Variants in PPM1L observed in about 807,000 individuals in gnomAD.
PPM1L encodes the protein protein phosphatase 1L.
PPM1L carries 13 observed loss-of-function variants against 31.4 expected under a neutral mutation model. The ratio of observed to expected loss-of-function variants is 0.41; its 90% CI spans 0.27 to 0.66. The LOEUF (loss-of-function observed/expected upper bound fraction) is 0.66, where lower values mean the gene tolerates loss of function less well. PPM1L is among the 30% of genes least tolerant of loss of function. PPM1L has a pLI of 0.29. For synonymous variants in PPM1L, 184 were observed against 175.4 expected, an observed-to-expected ratio of 1.05 and a Z score of -0.39; for missense variants, 326 against 453.7, an observed-to-expected ratio of 0.72 and a Z score of 2.56.
chr3:161,022,742 CA>C (rs1285026611), intron 2 of PPM1L, among the ~76,000 whole-genome samples: 1 of 145,484 alleles, frequency 6.9e-6, no homozygotes, highest in Non-Finnish European at 1.5e-5. Context: ...TCGCTCACTG[CA>C]AGCTCCACCT....
chr3:161,016,392 T>C (rs1236190189), intron 2 of PPM1L, among the ~76,000 whole-genome samples: 1 of 152,156 alleles, frequency 6.6e-6, no homozygotes, highest in Non-Finnish European at 1.5e-5. Flanking sequence ...AACAAATATT[T>C]CCAGTACAAT....
intron 1 of PPM1L, among the ~76,000 whole-genome samples, chr3:160,934,497 A>G (rs1205061781): frequency 6.6e-6 from 1 of 152,224 alleles, no homozygotes; most frequent in African/African-American, 2.4e-5. Flanking sequence ...CAGAAAACTT[A>G]GAGAAGGAAA....
At chr3:161,006,982 C>A (rs76688183) in intron 2 of PPM1L, among the ~76,000 whole-genome samples, 2 of 152,128 alleles carry the variant, frequency 1.3e-5, no homozygotes, top group Non-Finnish European at 2.9e-5. Context: ...GCGCCCGGCC[C>A]CCTACCTTCT....
chr3:161,069,044 C>A lies in PPM1L; in HGVS notation c.970C>A (p.Pro324Thr). The A allele has an allele frequency of 6.2e-7, 1 of 1,614,126 alleles. No homozygotes were observed. Among genetic ancestry groups the A allele is most frequent in the Non-Finnish European group, 8.5e-7 (1 of 1,179,990 alleles). The change falls in exon 4 of 4, where the codon CCT becomes ACT. Residue 324 changes from proline (P) to threonine (T), a missense_variant. Transcript: ENST00000498165. ...ATTCATCAAGGAGCGCTTGGATGAA[C>A]CTCACTTTGGGGCCAAGAGCATAGT... ...VRFIKERLDE[P>T]HFGAKSIVLQ...
At chr3:160,970,599 G>A (rs1162747663) in intron 2 of PPM1L, among the ~76,000 whole-genome samples, 1 of 151,196 alleles carries the variant, frequency 6.6e-6, no homozygotes, top group African/African-American at 2.4e-5. Flanking sequence ...ACAGGCATGT[G>A]CAACCACGCC....
intron 1 of PPM1L, among the ~76,000 whole-genome samples, chr3:160,950,456 ACC>A (rs1205808150): frequency 6.6e-6 from 1 of 152,104 alleles, no homozygotes; most frequent in Non-Finnish European, 1.5e-5. Flanking sequence ...CCTTCTCCAT[ACC>A]CCAACTACAC....
At chr3:161,011,200 G>A (rs1387783863) in intron 2 of PPM1L, among the ~76,000 whole-genome samples, 1 of 152,196 alleles carries the variant, frequency 6.6e-6, no homozygotes, top group African/African-American at 2.4e-5. Flanking sequence ...TGTATAAGGT[G>A]TAAGGAAGGT....
rs541518397 is a variant in PPM1L at position 161,037,248 on chromosome 3, C to T, written c.575-28155C>T. ...GACTGGCTTCTGACTTTGGTTTGCT[C>T]CTTTGCTCTTTGTCTCTGGAATCAC... On this transcript the variant is annotated intron_variant, in intron 2 of 3. Transcript: ENST00000498165. 3.3e-5 allele frequency among the ~76,000 whole-genome samples: 5 copies of T among 152,172 alleles called. No individual in the cohort carries two copies. The South Asian group carries it at 8.3e-4, about 25-fold the overall frequency.
chr3:161,057,759 C>T (rs1719454214), intron 2 of PPM1L, among the ~76,000 whole-genome samples: 1 of 152,080 alleles, frequency 6.6e-6, no homozygotes, highest in East Asian at 1.9e-4. Context: ...CGTGTTCTCC[C>T]ATTTGTCACA....
intron 2 of PPM1L, among the ~76,000 whole-genome samples, chr3:161,011,656 A>G (rs1717899636): frequency 6.6e-6 from 1 of 152,092 alleles, no homozygotes; most frequent in Admixed American, 6.5e-5. Context: ...TGAGCATGGA[A>G]TGTTCTTCCA....
chr3:161,055,809 C>A (rs1217180256), intron 2 of PPM1L, among the ~76,000 whole-genome samples: 1 of 151,988 alleles, frequency 6.6e-6, no homozygotes, highest in Non-Finnish European at 1.5e-5. Context: ...ACAAAAATGG[C>A]AGTTTCCCTT....
intron 2 of PPM1L, among the ~76,000 whole-genome samples, chr3:160,973,983 C>A (rs1035912169): frequency 1.2e-4 from 18 of 147,726 alleles, no homozygotes; most frequent in African/African-American, 4.5e-4. Context: ...AACTCGTCAT[C>A]TAGCATTAGG....
intron 2 of PPM1L, among the ~76,000 whole-genome samples, chr3:161,045,725 A>G (rs182342249): frequency 1.5e-3 from 236 of 152,304 alleles, no homozygotes; most frequent in African/African-American, 5.5e-3. Context: ...GAGAAGCAAG[A>G]GCAAACACAT....
intron 1 of PPM1L, among the ~76,000 whole-genome samples, chr3:160,916,414 A>C (rs1714183917): frequency 6.6e-6 from 1 of 152,214 alleles, no homozygotes; most frequent in Admixed American, 6.5e-5. Context: ...ATTATTAAAA[A>C]TCTTGCCATG....
intron 2 of PPM1L, among the ~76,000 whole-genome samples, chr3:161,037,768 A>G (rs1185770757): frequency 6.6e-6 from 1 of 151,846 alleles, no homozygotes; most frequent in Non-Finnish European, 1.5e-5. Flanking sequence ...CAGCTTGACC[A>G]CAAGCTCATG....
chr3:160,957,663 C>T (rs932217756), intron 1 of PPM1L, among the ~76,000 whole-genome samples: 39 of 151,026 alleles, frequency 2.6e-4, no homozygotes, highest in African/African-American at 8.7e-4. Context: ...CTGCAAGCTC[C>T]GCCTCCCAGG....
rs1353982278 is a variant in PPM1L at position 161,072,139 on chromosome 3, A to C, written c.*2982A>C. The stretch of plus-strand genomic sequence containing the variant: ...AGGTTGGGGGAGGGACAGCTAGGGA[A>C]ATTTTTTTTAATTAATTGTATCTAA... On this transcript the variant is annotated 3_prime_UTR_variant, in exon 4 of 4. Transcript: ENST00000498165. The C allele has an allele frequency of 7.2e-6, 1 of 138,074 alleles. No individual in the cohort carries two copies. The highest frequency in any genetic ancestry group is 7.3e-5 in the Admixed American group (1 of 13,646). The allele number at this position is 138,074 out of a possible 1,614,324, so 8.6% of individuals were successfully genotyped here.
chr3:160,940,007 G>A (rs1715108419), intron 1 of PPM1L, among the ~76,000 whole-genome samples: 1 of 152,204 alleles, frequency 6.6e-6, no homozygotes, highest in East Asian at 1.9e-4. Flanking sequence ...CCAAGATGAG[G>A]TGGTCTCAGA....
At chr3:160,774,555 C>T (rs1458918882) in intron 1 of PPM1L, among the ~76,000 whole-genome samples, 4 of 152,218 alleles carry the variant, frequency 2.6e-5, no homozygotes, top group Non-Finnish European at 5.9e-5. Flanking sequence ...TTTGGGTTCT[C>T]ATAATAGTAT....
Sources: gnomAD v4.1 joint callset for allele counts (sites outside exome capture counted in the v4.1 genomes callset) on GRCh38, gnomAD v4.1.1 for gene constraint, MANE v1.5 for transcripts, NCBI Gene and HGNC (gene_info 2026-07-23, HGNC 2026-07-21) for gene names.